EPB41L1: variants seen among roughly 807,000 people sequenced by gnomAD.
EPB41L1 encodes the protein erythrocyte membrane protein band 4.1 like 1, also known as band 4.1-like protein 1.
EPB41L1 carries 29 observed loss-of-function variants against 97.8 expected under a neutral mutation model. The observed-to-expected ratio is 0.30, with a 90% CI of 0.22 to 0.40. The LOEUF (loss-of-function observed/expected upper bound fraction) is 0.40. Ranked by LOEUF, EPB41L1 falls within the 10% of genes least tolerant of loss-of-function variation. The pLI, the probability that EPB41L1 is intolerant of heterozygous loss-of-function variation, is 1.00. For missense variants in EPB41L1, 812 were observed against 1,162.3 expected (o/e 0.70, Z 4.38); for synonymous variants, 383 against 459.2 (o/e 0.83, Z 2.12).
intron 2 of EPB41L1, among the ~76,000 whole-genome samples, chr20:36,174,378 T>C (rs1252680791): frequency 6.6e-6 from 1 of 152,014 alleles, no homozygotes; most frequent in Admixed American, 6.6e-5. Context: ...GTTCAAGCAA[T>C]TCTCCTGCCT....
intron 2 of EPB41L1, among the ~76,000 whole-genome samples, chr20:36,142,318 C>A (rs934874732): frequency 6.6e-6 from 1 of 152,136 alleles, no homozygotes; most frequent in Non-Finnish European, 1.5e-5. Flanking sequence ...AACGTAGCCA[C>A]TATTATTGGA....
rs35052895 is a variant in EPB41L1 at position 36,226,321 on chromosome 20, A to C, written c.2638-3011A>C. On this transcript the variant is annotated intron_variant, in intron 21 of 21. Transcript: ENST00000338074. ...TCAGCCTATGATTCCTCGTCAGCCA[A>C]ATGGCAATGATCATCACAGTAATAA... is the stretch of plus-strand genomic sequence containing the variant. Among the ~76,000 whole-genome samples, 227 of 152,334 alleles carry C rather than the reference A, an allele frequency of 1.5e-3. 1 individual carries two copies. Among genetic ancestry groups the C allele is most frequent in the Non-Finnish European group, 2.1e-3 (145 of 68,034 alleles).
chr20:36,202,640 AAAT>A (rs536919167), intron 14 of EPB41L1, among the ~76,000 whole-genome samples: 12 of 149,878 alleles, frequency 8.0e-5, no homozygotes, highest in Admixed American at 1.3e-4. Context: ...CTAAAAATAC[AAAT>A]AATAATAATA....
At chr20:36,228,582 A>G (rs949973421) in intron 21 of EPB41L1, among the ~76,000 whole-genome samples, 3 of 152,166 alleles carry the variant, frequency 2.0e-5, no homozygotes, top group Non-Finnish European at 4.4e-5. Flanking sequence ...TCTGTTAAAA[A>G]CTGTTTAAAG....
chr20:36,227,163 A>G (rs1016913574), intron 21 of EPB41L1, among the ~76,000 whole-genome samples: 1 of 152,090 alleles, frequency 6.6e-6, no homozygotes. Flanking sequence ...AAAAAATGTA[A>G]AAGATTAACT....
chr20:36,197,806 TC>T, intron 13 of EPB41L1, 52 bp from the exon 14 acceptor site: 2 of 1,613,688 alleles, frequency 1.2e-6, no homozygotes, highest in Non-Finnish European at 1.7e-6. Flanking sequence ...GCACCCTGCA[TC>T]CCCGCTTGGA....
At chr20:36,198,903 G>A (rs2062349309) in intron 14 of EPB41L1, among the ~76,000 whole-genome samples, 1 of 152,176 alleles carries the variant, frequency 6.6e-6, no homozygotes, top group Admixed American at 6.5e-5. Context: ...AGGCTCGTTG[G>A]GTAGAGATAA....
chr20:36,150,525 A>G (rs1397508893), upstream of EPB41L1: 2 of 152,208 alleles, frequency 1.3e-5, no homozygotes, highest in Non-Finnish European at 2.9e-5. Flanking sequence ...CAGGGAGTTT[A>G]TAAGGGTTGA....
chr20:36,194,935 T>C (rs1600869191), intron 12 of EPB41L1, among the ~76,000 whole-genome samples: 2 of 152,272 alleles, frequency 1.3e-5, no homozygotes, highest in South Asian at 4.1e-4. Context: ...CACACACAGG[T>C]GTGTGCACAC....
In EPB41L1 at chr20:36,204,471, C is replaced by CTTTTTTTTTTTT. The variant is rs765673962; in HGVS notation, c.1669-5002_1669-4991dup. 1.3e-4 allele frequency among the ~76,000 whole-genome samples: 12 copies of CTTTTTTTTTTTT among 90,602 alleles called. 1 individual carries two copies. Among genetic ancestry groups the CTTTTTTTTTTTT allele is most frequent in the African/African-American group, 6.3e-4 (11 of 17,388 alleles). The allele number at this position is 90,602 out of a possible 152,430, so 59.4% of individuals were successfully genotyped here. ...GGCCTAACAGTGCTGCGATCTGGTG[C>CTTTTTTTTTTTT]TTTTTTTTTTTTTTTTTTTTTTTTT... is the stretch of plus-strand genomic sequence containing the variant. On this transcript the variant is annotated intron_variant, in intron 14 of 21. Transcript: ENST00000338074.
Position 36,173,816 on chromosome 20 carries a change from A to G in EPB41L1, c.39A>G (p.Lys13=). 6.2e-7 allele frequency: 1 copy of G among 1,614,140 alleles called. No individual in the cohort carries two copies. Among genetic ancestry groups the G allele is most frequent in the Non-Finnish European group, 8.5e-7 (1 of 1,180,012 alleles). The part of the protein sequence containing the change: ...TETGPDSEVK[K]AQEEAPQQPE... ...CAGGCCCCGACTCTGAGGTGAAGAA[A>G]GCTCAGGAGGAGGCCCCGCAGCAGC... Residue 13 remains lysine (K), a synonymous_variant, in exon 2 of 22, where the codon AAA becomes AAG. Transcript: ENST00000338074.
chr20:36,136,477 G>A (rs1219261998), intron 2 of EPB41L1, among the ~76,000 whole-genome samples: 2 of 151,690 alleles, frequency 1.3e-5, no homozygotes, highest in Admixed American at 6.6e-5. Flanking sequence ...ACCATGCCTG[G>A]TCCATCTTAA....
Position 36,190,514 on chromosome 20 carries a change from ATTG to A in EPB41L1, c.1125-103_1125-101del. On this transcript the variant is annotated intron_variant, in intron 10 of 21. Transcript: ENST00000338074. The surrounding 1 kb of genome is among the most constrained non-coding windows in gnomAD (Gnocchi z 5.8). ...TCCCTCCCTTCCTGGACCACTTTGA[ATTG>A]TTGTAGTTGGTGGAGTAGTGGGATG... The A allele has an allele frequency of 6.4e-6, 10 of 1,555,772 alleles. No homozygotes were observed. Among genetic ancestry groups the A allele is most frequent in the Admixed American group, 5.1e-5 (3 of 58,688 alleles).
intron 18 of EPB41L1, 25 bp from the exon 19 acceptor site, chr20:36,219,736 G>C: frequency 5.0e-6 from 8 of 1,611,372 alleles, no homozygotes; most frequent in Non-Finnish European, 6.8e-6. Context: ...TGACACCCTG[G>C]GTGGGGGGTG....
chr20:36,154,913 A>G lies in EPB41L1; in HGVS notation c.-15+17A>G. The G allele has an allele frequency of 9.1e-7, 1 of 1,100,232 alleles. No individual in the cohort carries two copies. The highest frequency in any genetic ancestry group is 1.1e-6 in the Non-Finnish European group (1 of 894,984). 68.2% of individuals were successfully genotyped at this position (1,100,232 alleles called of 1,614,324 possible). A position where few individuals can be genotyped will look rare whatever the true frequency, so the allele number is the denominator to read the frequency against. ...CGGGCCCAGGTAGGCACATGGGGGA[A>G]TCAGGTGGCTCTCGGGGCCGGGGGC... is the stretch of plus-strand genomic sequence containing the variant. On this transcript the variant is annotated intron_variant, in intron 1 of 21. Coordinates refer to ENST00000338074, the MANE Select transcript of EPB41L1 (RefSeq NM_012156.2). This position sits in a 1 kb window ranked among gnomAD's most constrained non-coding sequence, Gnocchi z 5.5.
chr20:36,199,551 G>A (rs981042158), intron 14 of EPB41L1, among the ~76,000 whole-genome samples: 1 of 152,222 alleles, frequency 6.6e-6, no homozygotes, highest in African/African-American at 2.4e-5. Flanking sequence ...CTACTGGGGT[G>A]GCTTTCTGGT....
At chr20:36,182,466 G>A in intron 6 of EPB41L1, 119 bp downstream of exon 6, 1 of 1,094,230 alleles carries the variant, frequency 9.1e-7, no homozygotes, top group Non-Finnish European at 1.4e-6. Context: ...CGCCTACCGA[G>A]GTCAGGCAGA....
chr20:36,173,718 C>A, intron 1 of EPB41L1, 46 bp from the exon 2 acceptor site: 1 of 1,571,924 alleles, frequency 6.4e-7, no homozygotes, highest in Non-Finnish European at 8.8e-7. Flanking sequence ...GCTGTCATAC[C>A]ATTGCTGTCC....
At chr20:36,202,728 G>A (rs1012040070) in intron 14 of EPB41L1, among the ~76,000 whole-genome samples, 7 of 150,940 alleles carry the variant, frequency 4.6e-5, no homozygotes, top group Non-Finnish European at 7.4e-5. Context: ...CAGGAGAATC[G>A]CTTGAACTCG....
Sources: allele counts gnomAD v4.1 joint callset (sites outside exome capture counted in the v4.1 genomes callset), GRCh38; gene constraint gnomAD v4.1.1; non-coding constraint Gnocchi (gnomAD v3.1); transcripts MANE v1.5; gene names NCBI Gene and HGNC (gene_info 2026-07-23, HGNC 2026-07-21).